ABCG2: variants seen among roughly 807,000 people sequenced by gnomAD.
ABCG2 encodes ATP binding cassette subfamily G member 2 (JR blood group).
Under a neutral mutation model 73.5 loss-of-function variants are expected in ABCG2, and 80 were observed. That is an observed-to-expected ratio of 1.09 (90% confidence interval 0.91 to 1.31). ABCG2 has a LOEUF of 1.31. Among genes scored for constraint, ABCG2 ranks in the 50% most tolerant of loss-of-function variants. The pLI is 0.00. For synonymous variants in ABCG2, 269 were observed against 282.4 expected (o/e 0.95, Z 0.48); for missense variants, 796 against 786.2 (o/e 1.01, Z -0.15).
chr4:88,206,405 T>C (rs1729380200), intron 1 of ABCG2: 2 of 152,196 alleles, frequency 1.3e-5, no homozygotes, highest in African/African-American at 4.8e-5. Context: ...TTTTTGTAGT[T>C]GTTTCATTGA....
At chr4:88,187,352 C>T (rs1728507650) in intron 1 of ABCG2, among the ~76,000 whole-genome samples, 1 of 152,010 alleles carries the variant, frequency 6.6e-6, no homozygotes. Context: ...GTGGCTCATG[C>T]CTATAATCCC....
chr4:88,128,225 C>A (rs1319581014), intron 5 of ABCG2, among the ~76,000 whole-genome samples: 1 of 152,172 alleles, frequency 6.6e-6, no homozygotes, highest in Non-Finnish European at 1.5e-5. Flanking sequence ...CAATAAGATA[C>A]CATCTCATGC....
chr4:88,093,232 G>A (rs1021047568), intron 15 of ABCG2, among the ~76,000 whole-genome samples: 1 of 152,198 alleles, frequency 6.6e-6, no homozygotes, highest in Non-Finnish European at 1.5e-5. Context: ...CTGGCCGGCT[G>A]CAGTGGCTCA....
At chr4:88,130,312 G>A (rs775314409) in intron 5 of ABCG2, among the ~76,000 whole-genome samples, 77 of 151,844 alleles carry the variant, frequency 5.1e-4, no homozygotes, top group Non-Finnish European at 1.0e-3. Flanking sequence ...CTGCATGTAC[G>A]AGGATCTAAA....
chr4:88,103,747 C>A (rs931265189), intron 10 of ABCG2, among the ~76,000 whole-genome samples: 29 of 152,196 alleles, frequency 1.9e-4, no homozygotes. Flanking sequence ...TAGCCTCTGG[C>A]AACCACCATT....
At position 88,182,736 on chromosome 4, in the gene ABCG2, TG is replaced by T. The variant is rs1356844465; in HGVS notation, c.-19-42723del. ...TGGAAATACAACATAGCAAAACCTATGGGATACAGCAAAAGGAGTACTAACA... is the reference window on the plus strand; with the variant it reads ...TGGAAATACAACATAGCAAAACCTATGGATACAGCAAAAGGAGTACTAACA... On this transcript the variant is annotated intron_variant, in intron 1 of 15. Coordinates refer to the ABCG2 transcript ENST00000515655. Among the ~76,000 whole-genome samples, 6 of 152,164 alleles carry T rather than the reference TG, an allele frequency of 3.9e-5. No homozygotes were observed. In the East Asian group the frequency reaches 1.2e-3, roughly 29 times the overall value.
At chr4:88,222,688 G>A (rs1158874558) in intron 1 of ABCG2, among the ~76,000 whole-genome samples, 1 of 152,200 alleles carries the variant, frequency 6.6e-6, no homozygotes, top group Non-Finnish European at 1.5e-5. Context: ...GCATGGAAGG[G>A]AAATGTGGGG....
chr4:88,109,030 G>A (rs554997477), intron 9 of ABCG2, among the ~76,000 whole-genome samples: 1 of 140,274 alleles, frequency 7.1e-6, no homozygotes, highest in Non-Finnish European at 1.5e-5. Flanking sequence ...AGACAGTCTC[G>A]CACTGTTGCC....
intron 1 of ABCG2, among the ~76,000 whole-genome samples, chr4:88,149,393 C>T (rs1159435678): frequency 6.6e-6 from 1 of 152,218 alleles, no homozygotes; most frequent in Non-Finnish European, 1.5e-5. Context: ...ATTTGGCCAG[C>T]AGTTTCCCAG....
chr4:88,107,633 A>G (rs1359352745), intron 9 of ABCG2, among the ~76,000 whole-genome samples: 1 of 152,234 alleles, frequency 6.6e-6, no homozygotes, highest in Non-Finnish European at 1.5e-5. Context: ...AGCAAAGCAA[A>G]GTCCAAGTGC....
At chr4:88,219,947 A>C (rs1729956384) in intron 1 of ABCG2, among the ~76,000 whole-genome samples, 1 of 151,466 alleles carries the variant, frequency 6.6e-6, no homozygotes, top group Non-Finnish European at 1.5e-5. Context: ...ATCCATCTCT[A>C]GAACTTCTTT....
chr4:88,208,951 G>A (rs1729480821), intron 1 of ABCG2, among the ~76,000 whole-genome samples: 2 of 152,158 alleles, frequency 1.3e-5, no homozygotes, highest in East Asian at 3.9e-4. Flanking sequence ...ACAGTGAGGC[G>A]AGATCACACC....
At chr4:88,099,262 A>G (rs1173740390) in intron 12 of ABCG2, 62 bp downstream of exon 12, 9 of 1,446,056 alleles carry the variant, frequency 6.2e-6, no homozygotes, top group Non-Finnish European at 8.2e-6. Context: ...TGCAAGGTGC[A>G]ACTGACTTCA....
At chr4:88,129,678 A>C (rs1181169842) in intron 5 of ABCG2, among the ~76,000 whole-genome samples, 1 of 152,242 alleles carries the variant, frequency 6.6e-6, no homozygotes, top group African/African-American at 2.4e-5. Context: ...CAGAAAGCAT[A>C]ATATGAAGTA....
At chr4:88,199,676 G>A (rs1729074411) in intron 1 of ABCG2, among the ~76,000 whole-genome samples, 1 of 152,202 alleles carries the variant, frequency 6.6e-6, no homozygotes, top group African/African-American at 2.4e-5. Context: ...CAGTACATTT[G>A]TCTTGCAGAA....
chr4:88,163,802 A>T, upstream of ABCG2: 1 of 329,154 alleles, frequency 3.0e-6, no homozygotes, highest in Admixed American at 3.7e-5. Context: ...GTCTGGGCCA[A>T]AGGAATAAGG....
At chr4:88,216,137 G>T (rs1281690581) in intron 1 of ABCG2, among the ~76,000 whole-genome samples, 1 of 152,198 alleles carries the variant, frequency 6.6e-6, no homozygotes, top group East Asian at 1.9e-4. Flanking sequence ...GTGCTGAAGG[G>T]AAATCCTCCC....
At chr4:88,111,362 A>C (rs1204302421) in intron 9 of ABCG2, among the ~76,000 whole-genome samples, 1 of 152,232 alleles carries the variant, frequency 6.6e-6, no homozygotes, top group African/African-American at 2.4e-5. Flanking sequence ...ATAGTATATA[A>C]AAGTGCCAGT....
At chr4:88,124,986 A>G (rs1258859122) in intron 5 of ABCG2, among the ~76,000 whole-genome samples, 1 of 152,092 alleles carries the variant, frequency 6.6e-6, no homozygotes, top group Admixed American at 6.6e-5. Flanking sequence ...TCAAATTAGA[A>G]CTCAGGATTA....
Sources: gnomAD v4.1 joint callset for allele counts (sites outside exome capture counted in the v4.1 genomes callset) on GRCh38, gnomAD v4.1.1 for gene constraint, MANE v1.5 for transcripts, NCBI Gene and HGNC (gene_info 2026-07-23, HGNC 2026-07-21) for gene names.